Variants in GRIN2A observed in about 807,000 individuals in gnomAD.
GRIN2A encodes glutamate receptor ionotropic, NMDA 2A.
Under a neutral mutation model 113.4 loss-of-function variants are expected in GRIN2A, and 22 were observed. That is an observed-to-expected ratio of 0.19 (90% CI 0.14 to 0.28). The LOEUF is 0.28. Among genes scored for constraint, GRIN2A ranks in the 10% least tolerant of loss-of-function variants. The pLI, the probability that GRIN2A is intolerant of heterozygous loss-of-function variation, is 1.00. For missense variants in GRIN2A, 1,502 were observed against 1,887.0 expected, an observed-to-expected ratio of 0.80 and a Z score of 3.78; for synonymous variants, 827 against 738.4, an observed-to-expected ratio of 1.12 and a Z score of -1.94.
chr16:10,030,487 G>C (rs901595574), intron 2 of GRIN2A, among the ~76,000 whole-genome samples: 1 of 152,122 alleles, frequency 6.6e-6, no homozygotes, highest in Non-Finnish European at 1.5e-5. Flanking sequence ...TTGGTCTCCT[G>C]CCTGCACTTA....
chr16:10,036,456 T>TC (rs2047030401), intron 2 of GRIN2A, among the ~76,000 whole-genome samples: 1 of 64,914 alleles, frequency 1.5e-5, no homozygotes, highest in African/African-American at 6.7e-5. Flanking sequence ...TTTCTTTTTT[T>TC]TTTTTTTTTT....
intron 4 of GRIN2A, among the ~76,000 whole-genome samples, chr16:9,871,500 TTG>T (rs2043260179): frequency 6.6e-6 from 1 of 152,004 alleles, no homozygotes; most frequent in Admixed American, 6.5e-5. Flanking sequence ...AGAGTCTAGA[TTG>T]CACTTTGTAT....
chr16:9,770,788 A>T (rs533345423), intron 11 of GRIN2A, among the ~76,000 whole-genome samples: 75 of 152,232 alleles, frequency 4.9e-4, no homozygotes, highest in African/African-American at 1.8e-3. Flanking sequence ...AATAGATTTT[A>T]TTTTTTTAGA....
chr16:10,169,704 T>C (rs1421505180), intron 2 of GRIN2A, among the ~76,000 whole-genome samples: 1 of 152,168 alleles, frequency 6.6e-6, no homozygotes, highest in African/African-American at 2.4e-5. Flanking sequence ...GGCTCCTTAC[T>C]AAGCAAAAAA....
intron 10 of GRIN2A, among the ~76,000 whole-genome samples, chr16:9,811,353 C>T (rs1450174490): frequency 6.6e-6 from 1 of 152,202 alleles, no homozygotes; most frequent in Non-Finnish European, 1.5e-5. Flanking sequence ...TGGCTTCTGC[C>T]TGAACTTCAG....
chr16:9,960,161 C>A (rs950253855), intron 2 of GRIN2A, among the ~76,000 whole-genome samples: 2 of 152,116 alleles, frequency 1.3e-5, no homozygotes, highest in Non-Finnish European at 2.9e-5. Context: ...ATAGGAGGGG[C>A]TCAATCAACA....
chr16:10,180,473 G>A lies in GRIN2A; in HGVS notation c.-18-44C>T. ...GAGGCAGGGCCGCGGTGAGCAAGGCGACCAGAAGAAAGGGATTACCAACTT... is the reference window on the plus strand; with the variant it reads ...GAGGCAGGGCCGCGGTGAGCAAGGCAACCAGAAGAAAGGGATTACCAACTT... On this transcript the variant is annotated intron_variant, in intron 1 of 12. Coordinates refer to ENST00000330684, the MANE Select transcript of GRIN2A (RefSeq NM_001134407.3). The surrounding 1 kb of genome is among the most constrained non-coding windows in gnomAD (Gnocchi z 7.0). 3 of 1,562,024 alleles carry A rather than the reference G, an allele frequency of 1.9e-6. No homozygotes were observed. Among genetic ancestry groups the A allele is most frequent in the South Asian group, 1.1e-5 (1 of 87,112 alleles).
chr16:9,927,630 G>A (rs547838381), intron 3 of GRIN2A, among the ~76,000 whole-genome samples: 1 of 152,224 alleles, frequency 6.6e-6, no homozygotes, highest in Non-Finnish European at 1.5e-5. Context: ...TCACATCTAA[G>A]GATGAAAGAT....
intron 10 of GRIN2A, among the ~76,000 whole-genome samples, chr16:9,817,424 G>A (rs140532859): frequency 8.5e-5 from 13 of 152,342 alleles, no homozygotes; most frequent in African/African-American, 3.1e-4. Flanking sequence ...TTCAGGTACA[G>A]TTGGTCCATT....
intron 3 of GRIN2A, among the ~76,000 whole-genome samples, chr16:9,934,809 T>TG (rs1313334637): frequency 6.8e-6 from 1 of 148,126 alleles, no homozygotes. Context: ...TTCCCTGGGG[T>TG]GGGCGTCAGG....
intron 11 of GRIN2A, among the ~76,000 whole-genome samples, chr16:9,781,581 G>C (rs1901938712): frequency 6.6e-6 from 1 of 152,028 alleles, no homozygotes; most frequent in Non-Finnish European, 1.5e-5. Flanking sequence ...GGCTAGTCTT[G>C]AACTCCTGGG....
rs562162600 is a variant in GRIN2A at position 9,921,324 on chromosome 16, T to A, written c.1007+16635A>T. Among the ~76,000 whole-genome samples the A allele has an allele frequency of 4.6e-5, 7 of 152,226 alleles. No homozygotes were observed. In the East Asian group the frequency reaches 1.2e-3, roughly 25 times the overall value. On this transcript the variant is annotated intron_variant, in intron 3 of 12. Coordinates refer to ENST00000330684, the MANE Select transcript of GRIN2A (RefSeq NM_001134407.3). ...ATGTCTCCTACCCACAAGGGAGAGA[T>A]CTTTGTACCAGCTTCGCAGCATTGG...
chr16:9,860,227 G>A (rs1000032690), intron 4 of GRIN2A, among the ~76,000 whole-genome samples: 1 of 151,860 alleles, frequency 6.6e-6, no homozygotes, highest in Non-Finnish European at 1.5e-5. Flanking sequence ...AAGCTGAGGT[G>A]GGCAGATCCC....
At chr16:10,006,232 G>A (rs2046402496) in intron 2 of GRIN2A, among the ~76,000 whole-genome samples, 1 of 152,188 alleles carries the variant, frequency 6.6e-6, no homozygotes, top group African/African-American at 2.4e-5. Context: ...AATCGTCTCA[G>A]GCAAAGGTGC....
intron 2 of GRIN2A, among the ~76,000 whole-genome samples, chr16:9,977,780 C>T (rs936175685): frequency 6.6e-6 from 1 of 152,148 alleles, no homozygotes; most frequent in Non-Finnish European, 1.5e-5. Flanking sequence ...TCAATTCGGT[C>T]GGCTTTTCCT....
intron 10 of GRIN2A, among the ~76,000 whole-genome samples, chr16:9,821,148 A>AT (rs1333726500): frequency 2.0e-5 from 3 of 152,138 alleles, no homozygotes; most frequent in Non-Finnish European, 4.4e-5. Flanking sequence ...GAGGTTATTT[A>AT]TTAAGCCACA....
chr16:9,960,560 C>T (rs902285287), intron 2 of GRIN2A, among the ~76,000 whole-genome samples: 92 of 152,170 alleles, frequency 6.0e-4, no homozygotes, highest in African/African-American at 2.2e-3. Context: ...GTCAACCAGA[C>T]TATCTTTTAT....
chr16:9,798,138 T>G, intron 11 of GRIN2A, 139 bp downstream of exon 11: 1 of 733,554 alleles, frequency 1.4e-6, no homozygotes, highest in South Asian at 1.5e-5. Context: ...AGAACCATGG[T>G]TTCATGTGAC....
At chr16:9,961,935 CAGA>C (rs2045451201) in intron 2 of GRIN2A, among the ~76,000 whole-genome samples, 1 of 152,004 alleles carries the variant, frequency 6.6e-6, no homozygotes, top group African/African-American at 2.4e-5. Flanking sequence ...CAGAACAGAA[CAGA>C]GCCCTCAGAA....
Sources: allele counts gnomAD v4.1 joint callset (sites outside exome capture counted in the v4.1 genomes callset), GRCh38; gene constraint gnomAD v4.1.1; non-coding constraint Gnocchi (gnomAD v3.1); transcripts MANE v1.5; gene names NCBI Gene and HGNC (gene_info 2026-07-23, HGNC 2026-07-21).